LRRC4C: variants seen among roughly 807,000 people sequenced by gnomAD.
LRRC4C encodes leucine rich repeat containing 4C, also known as leucine-rich repeat-containing protein 4C.
In LRRC4C, 5 loss-of-function variants were observed where a neutral mutation model predicts 33.6. The observed-to-expected ratio is 0.15, with a 90% CI of 0.08 to 0.31. The LOEUF (loss-of-function observed/expected upper bound fraction) is 0.31. LRRC4C is among the 10% of genes least tolerant of loss of function. LRRC4C has a pLI of 1.00. For synonymous variants in LRRC4C, 329 were observed against 302.0 expected, an observed-to-expected ratio of 1.09 and a Z score of -0.93; for missense variants, 560 against 796.7, an observed-to-expected ratio of 0.70 and a Z score of 3.58.
chr11:40,520,466 A>T (rs1315035163), intron 3 of LRRC4C, among the ~76,000 whole-genome samples: 1 of 152,204 alleles, frequency 6.6e-6, no homozygotes, highest in Non-Finnish European at 1.5e-5. Flanking sequence ...TTTAAATATT[A>T]TTCTATTTCA....
chr11:41,147,620 TA>T (rs1368726219), intron 1 of LRRC4C, among the ~76,000 whole-genome samples: 1 of 152,228 alleles, frequency 6.6e-6, no homozygotes, highest in Non-Finnish European at 1.5e-5. Flanking sequence ...CATGATATGT[TA>T]ATATATGTAT....
chr11:40,297,304 A>G (rs545362512), intron 4 of LRRC4C, among the ~76,000 whole-genome samples: 6 of 152,186 alleles, frequency 3.9e-5, no homozygotes, highest in African/African-American at 7.2e-5. Flanking sequence ...TTCCAATAGT[A>G]TTACATAGGG....
chr11:40,961,850 AAACCTCC>A (rs1185691571), intron 1 of LRRC4C, among the ~76,000 whole-genome samples: 2 of 151,674 alleles, frequency 1.3e-5, no homozygotes, highest in Non-Finnish European at 3.0e-5. Context: ...AACCTTTGAG[AAACCTCC>A]ACACCAGATG....
intron 1 of LRRC4C, among the ~76,000 whole-genome samples, chr11:41,260,568 G>GA (rs139565719): frequency 2.6e-5 from 4 of 151,010 alleles, no homozygotes; most frequent in Non-Finnish European, 5.9e-5. Flanking sequence ...GACAGTACAG[G>GA]AAAAAATATA....
intron 2 of LRRC4C, among the ~76,000 whole-genome samples, chr11:40,806,858 G>A (rs570906436): frequency 2.6e-5 from 4 of 152,072 alleles, no homozygotes; most frequent in Non-Finnish European, 5.9e-5. Context: ...TCTGCTAGGA[G>A]ACAGCGTATA....
rs552597751 is a variant in LRRC4C at position 40,758,080 on chromosome 11, C to T, written c.-406-109802G>A. Among the ~76,000 whole-genome samples, 7 of 152,042 alleles carry T rather than the reference C, an allele frequency of 4.6e-5. No individual in the cohort carries two copies. In the South Asian group the frequency reaches 1.5e-3, roughly 32 times the overall value. ...AGTTTATGTTGAGGAATATATCTCCCGCGAAATGCAAGTCTAAGCTGAGAG... is the reference window on the plus strand; with the variant it reads ...AGTTTATGTTGAGGAATATATCTCCTGCGAAATGCAAGTCTAAGCTGAGAG... On this transcript the variant is annotated intron_variant, in intron 2 of 6. Coordinates refer to ENST00000528697, the MANE Select transcript of LRRC4C (RefSeq NM_001258419.2).
intron 5 of LRRC4C, among the ~76,000 whole-genome samples, chr11:40,223,384 C>A (rs1864557049): frequency 6.6e-6 from 1 of 152,102 alleles, no homozygotes; most frequent in Non-Finnish European, 1.5e-5. Flanking sequence ...GGACCTACAG[C>A]AAACGACAAA....
Position 40,984,363 on chromosome 11 carries a change from A to AGAAGAAAG in LRRC4C, c.-495-50641_-495-50640insCTTTCTTC, listed in dbSNP as rs1375965996. Among the ~76,000 whole-genome samples, 497 of 120,398 alleles carry AGAAGAAAG rather than the reference A, an allele frequency of 4.1e-3. 1 individual carries two copies. The highest frequency in any genetic ancestry group is 5.2e-3 in the Non-Finnish European group (292 of 56,672). 79.0% of individuals were successfully genotyped at this position (120,398 alleles called of 152,430 possible). A position where few individuals can be genotyped will look rare whatever the true frequency, so the allele number is the denominator to read the frequency against. The stretch of plus-strand genomic sequence containing the variant: ...GAAAGTAGGAAAGAGAAAGAAAGAA[A>AGAAGAAAG]AAAGAAAGAAAGAAAGAAAGAAAGA... On this transcript the variant is annotated intron_variant, in intron 1 of 6. Transcript: ENST00000528697.
At chr11:40,517,892 G>A (rs1188593905) in intron 3 of LRRC4C, among the ~76,000 whole-genome samples, 1 of 152,054 alleles carries the variant, frequency 6.6e-6, no homozygotes, top group Non-Finnish European at 1.5e-5. Context: ...AAAACAGCAT[G>A]GTACTGGTAC....
intron 3 of LRRC4C, among the ~76,000 whole-genome samples, chr11:40,420,527 T>A (rs897439156): frequency 6.6e-6 from 1 of 152,070 alleles, no homozygotes; most frequent in African/African-American, 2.4e-5. Context: ...GTCCTTTATT[T>A]AAAAAAAATT....
At chr11:41,076,315 T>C (rs1457086961) in intron 1 of LRRC4C, among the ~76,000 whole-genome samples, 1 of 152,170 alleles carries the variant, frequency 6.6e-6, no homozygotes, top group African/African-American at 2.4e-5. Flanking sequence ...TATTGCCAGA[T>C]GTATTAGTCC....
At chr11:40,879,738 G>A (rs1317730064) in intron 2 of LRRC4C, among the ~76,000 whole-genome samples, 1 of 152,078 alleles carries the variant, frequency 6.6e-6, no homozygotes, top group African/African-American at 2.4e-5. Context: ...TGGATTTGAA[G>A]GGAAGACAAG....
chr11:40,850,957 A>G (rs545206161), intron 2 of LRRC4C, among the ~76,000 whole-genome samples: 1 of 152,296 alleles, frequency 6.6e-6, no homozygotes, highest in African/African-American at 2.4e-5. Context: ...CTCAAGCCTC[A>G]GTAATGGCAG....
intron 3 of LRRC4C, among the ~76,000 whole-genome samples, chr11:40,451,044 T>C (rs1250462614): frequency 6.6e-6 from 1 of 151,686 alleles, no homozygotes; most frequent in African/African-American, 2.4e-5. Context: ...TGTAACTCTC[T>C]CTATATATAT....
chr11:40,142,970 A>G (rs556707863), intron 5 of LRRC4C, among the ~76,000 whole-genome samples: 1 of 152,040 alleles, frequency 6.6e-6, no homozygotes, highest in South Asian at 2.1e-4. Context: ...ATACAACTAT[A>G]TATTTTAAGC....
At chr11:40,482,076 T>C (rs1401573579) in intron 3 of LRRC4C, among the ~76,000 whole-genome samples, 1 of 152,200 alleles carries the variant, frequency 6.6e-6, no homozygotes, top group Non-Finnish European at 1.5e-5. Context: ...ATCTACCACT[T>C]GGTTCATTAG....
intron 2 of LRRC4C, among the ~76,000 whole-genome samples, chr11:40,858,014 A>ACAGGGAC (rs57379567): frequency 0.018 from 2,216 of 124,642 alleles, 44 homozygotes; most frequent in African/African-American, 0.047. Context: ...AGGGACAAGG[A>ACAGGGAC]AAGGAAGGGA....
chr11:41,374,422 T>C (rs114878027), intron 1 of LRRC4C, among the ~76,000 whole-genome samples: 2,899 of 152,170 alleles, frequency 0.019, 90 homozygotes, highest in African/African-American at 0.067. Flanking sequence ...ACTCAGACAA[T>C]GAATCTAACC....
At chr11:40,873,929 C>T (rs973149292) in intron 2 of LRRC4C, among the ~76,000 whole-genome samples, 1 of 151,954 alleles carries the variant, frequency 6.6e-6, no homozygotes, top group African/African-American at 2.4e-5. Context: ...TTGTAAAAAC[C>T]ATAGTTCAAT....
Sources: allele counts gnomAD v4.1 joint callset (sites outside exome capture counted in the v4.1 genomes callset), GRCh38; gene constraint gnomAD v4.1.1; transcripts MANE v1.5; gene names NCBI Gene and HGNC (gene_info 2026-07-23, HGNC 2026-07-21).